The following SH3RF3 variants were observed in gnomAD, a reference collection of about 807,000 sequenced individuals.
SH3RF3 encodes E3 ubiquitin-protein ligase SH3RF3.
In SH3RF3, 29 loss-of-function variants were observed where a neutral mutation model predicts 66.3. The observed-to-expected ratio is 0.44, with a 90% CI of 0.33 to 0.60. The LOEUF (loss-of-function observed/expected upper bound fraction) is 0.60, where lower values mean the gene tolerates loss of function less well. SH3RF3 is among the 20% of genes least tolerant of loss of function. SH3RF3 has a pLI of 0.04. For missense variants in SH3RF3, 1,194 were observed against 1,190.9 expected, an observed-to-expected ratio of 1.00 and a Z score of -0.04; for synonymous variants, 583 against 532.0, an observed-to-expected ratio of 1.10 and a Z score of -1.32.
At chr2:109,436,725 AC>A (rs1268180540) in intron 6 of SH3RF3, among the ~76,000 whole-genome samples, 167 bp from the exon 7 acceptor site, 1 of 152,202 alleles carries the variant, frequency 6.6e-6, no homozygotes, top group African/African-American at 2.4e-5. Flanking sequence ...GGTTTTGTAA[AC>A]AGGGCCCTTC....
intron 1 of SH3RF3, among the ~76,000 whole-genome samples, chr2:109,345,970 T>G (rs1390128058): frequency 6.6e-6 from 1 of 152,212 alleles, no homozygotes; most frequent in Non-Finnish European, 1.5e-5. Context: ...TGTCCCAAAT[T>G]AAGATTCCCT....
At chr2:109,169,194 G>C (rs1677697468) in intron 1 of SH3RF3, among the ~76,000 whole-genome samples, 1 of 152,192 alleles carries the variant, frequency 6.6e-6, no homozygotes, top group Non-Finnish European at 1.5e-5. Context: ...TTTATTTGTG[G>C]TTAGAAAACC....
intron 1 of SH3RF3, among the ~76,000 whole-genome samples, chr2:109,149,314 T>G (rs1157951610): frequency 1.3e-5 from 2 of 152,242 alleles, no homozygotes; most frequent in African/African-American, 4.8e-5. Context: ...CTGAGAAGTC[T>G]CTTTGGCTTG....
chr2:109,429,218 C>A (rs146213002), intron 5 of SH3RF3, among the ~76,000 whole-genome samples: 515 of 152,264 alleles, frequency 3.4e-3, no homozygotes, highest in Non-Finnish European at 5.5e-3. Context: ...GCAGTTGACC[C>A]CCACCCGGGC....
intron 1 of SH3RF3, among the ~76,000 whole-genome samples, chr2:109,166,504 A>C (rs1677630276): frequency 6.6e-6 from 1 of 151,464 alleles, no homozygotes; most frequent in Non-Finnish European, 1.5e-5. Context: ...CCTCTATGTC[A>C]AGCTCATTGG....
chr2:109,208,853 T>G (rs1220321844), intron 1 of SH3RF3, among the ~76,000 whole-genome samples: 1 of 152,178 alleles, frequency 6.6e-6, no homozygotes, highest in Non-Finnish European at 1.5e-5. Context: ...CAAATTCAGG[T>G]TCATTCTCTC....
chr2:109,406,942 C>T (rs988754897), intron 4 of SH3RF3, among the ~76,000 whole-genome samples: 8 of 152,238 alleles, frequency 5.3e-5, no homozygotes, highest in African/African-American at 1.9e-4. Flanking sequence ...CACTTCCCTG[C>T]AACTCAGCAA....
At chr2:109,487,385 G>A (rs868102380) in intron 8 of SH3RF3, among the ~76,000 whole-genome samples, 8 of 152,144 alleles carry the variant, frequency 5.3e-5, no homozygotes, top group East Asian at 1.9e-4. Context: ...CATGGATTCC[G>A]TGAGCATGAC....
chr2:109,469,960 A>G (rs1455837044), intron 8 of SH3RF3, among the ~76,000 whole-genome samples: 3 of 152,218 alleles, frequency 2.0e-5, no homozygotes, highest in Non-Finnish European at 4.4e-5. Flanking sequence ...GCGAGCTATA[A>G]GATGAACCCA....
At chr2:109,265,049 A>C (rs1372921324) in intron 1 of SH3RF3, among the ~76,000 whole-genome samples, 1 of 152,228 alleles carries the variant, frequency 6.6e-6, no homozygotes, top group Non-Finnish European at 1.5e-5. Flanking sequence ...TGTGGACCGC[A>C]GTCTAATTGG....
rs182228792 is a variant in SH3RF3, at chr2:109,298,727, G to C, written c.574-48947G>C. 2.0e-5 allele frequency among the ~76,000 whole-genome samples: 3 copies of C among 152,102 alleles called. No individual in the cohort carries two copies. In the South Asian group the frequency reaches 6.2e-4, roughly 32 times the overall value. ...TTCCCCACACTGACATACCCCATCAGCTCACCCTGTGAAATATCCCTGATC... is the reference window on the plus strand; with the variant it reads ...TTCCCCACACTGACATACCCCATCACCTCACCCTGTGAAATATCCCTGATC... On this transcript the variant is annotated intron_variant, in intron 1 of 9. Transcript: ENST00000309415.
intron 1 of SH3RF3, among the ~76,000 whole-genome samples, chr2:109,137,979 A>G (rs903622631): frequency 2.0e-5 from 3 of 152,236 alleles, no homozygotes; most frequent in Admixed American, 6.5e-5. Flanking sequence ...GCCTTTACCC[A>G]TAAATGCAAT....
At position 109,449,308 on chromosome 2, in the gene SH3RF3, C is replaced by A; in HGVS notation, c.1967C>A (p.Pro656His). 1 of 1,608,268 alleles carries A rather than the reference C, an allele frequency of 6.2e-7. No individual in the cohort carries two copies. Among genetic ancestry groups the A allele is most frequent in the Non-Finnish European group, 8.5e-7 (1 of 1,177,234 alleles). Residue 656 changes from proline to histidine, a missense_variant, in exon 8 of 10, where the codon CCC becomes CAC. Transcript: ENST00000309415. ...GTGTCCCCGCAGCACAGCCACCAGC[C>A]CCCGGTGCAGATGTGCCCACGGCCG... is the stretch of plus-strand genomic sequence containing the variant. ...SVVSPQHSHQ[P>H]PVQMCPRPAI...
intron 1 of SH3RF3, among the ~76,000 whole-genome samples, chr2:109,216,497 G>C (rs375510890): frequency 6.6e-5 from 10 of 152,194 alleles, no homozygotes; most frequent in African/African-American, 2.4e-4. Flanking sequence ...GGCAGTGCAC[G>C]CCCACCTGGC....
intron 1 of SH3RF3, among the ~76,000 whole-genome samples, chr2:109,217,400 C>A (rs1679124244): frequency 6.6e-6 from 1 of 152,192 alleles, no homozygotes; most frequent in Non-Finnish European, 1.5e-5. Context: ...CTGAACATCA[C>A]CCTGATCTTG....
At chr2:109,150,477 T>C (rs1269516906) in intron 1 of SH3RF3, among the ~76,000 whole-genome samples, 3 of 152,218 alleles carry the variant, frequency 2.0e-5, no homozygotes, top group Non-Finnish European at 4.4e-5. Flanking sequence ...AAAATAGTTT[T>C]TTTACAAAAA....
intron 1 of SH3RF3, among the ~76,000 whole-genome samples, chr2:109,268,021 T>G (rs72937600): frequency 0.35 from 52,399 of 151,308 alleles, 10,210 homozygotes; most frequent in East Asian, 0.86. Context: ...GTCCTTGGAC[T>G]CTGTGTCCAG....
At chr2:109,238,891 T>TGACCCAAGA (rs1366075970) in intron 1 of SH3RF3, among the ~76,000 whole-genome samples, 1 of 152,170 alleles carries the variant, frequency 6.6e-6, no homozygotes, top group African/African-American at 2.4e-5. Context: ...ACAGCTCCAC[T>TGACCCAAGA]GTGGTCACTG....
intron 1 of SH3RF3, among the ~76,000 whole-genome samples, chr2:109,150,043 G>T (rs961503353): frequency 1.3e-5 from 2 of 152,208 alleles, no homozygotes; most frequent in Admixed American, 6.5e-5. Flanking sequence ...TCTGGGTGCA[G>T]CCTGGCATCA....
Sources: allele counts gnomAD v4.1 joint callset (sites outside exome capture counted in the v4.1 genomes callset), GRCh38; gene constraint gnomAD v4.1.1; transcripts MANE v1.5; gene names NCBI Gene and HGNC (gene_info 2026-07-23, HGNC 2026-07-21).